Variants in ASCC3 observed in about 807,000 individuals in gnomAD.
ASCC3 encodes activating signal cointegrator 1 complex subunit 3.
Under a neutral mutation model 256.3 loss-of-function variants are expected in ASCC3, and 158 were observed. That is an observed-to-expected ratio of 0.62 (90% CI 0.54 to 0.70). The LOEUF is 0.70. Among genes scored for constraint, ASCC3 ranks in the 30% least tolerant of loss-of-function variants. The pLI is 0.00. For synonymous variants in ASCC3, 948 were observed against 883.4 expected, an observed-to-expected ratio of 1.07 and a Z score of -1.30; for missense variants, 2,259 against 2,626.0, an observed-to-expected ratio of 0.86 and a Z score of 3.05.
chr6:100,556,441 G>C (rs1184564089), intron 36 of ASCC3, among the ~76,000 whole-genome samples: 4 of 152,142 alleles, frequency 2.6e-5, no homozygotes, highest in African/African-American at 9.7e-5. Flanking sequence ...ATGGATGAAT[G>C]TCAGATACAT....
intron 8 of ASCC3, among the ~76,000 whole-genome samples, chr6:100,783,129 T>G (rs1293804167): frequency 6.6e-6 from 1 of 152,158 alleles, no homozygotes; most frequent in East Asian, 1.9e-4. Flanking sequence ...TCATATTAAG[T>G]TCTTCTCATT....
chr6:100,608,289 T>TTA (rs201588169), intron 30 of ASCC3, among the ~76,000 whole-genome samples: 1 of 22,400 alleles, frequency 4.5e-5, no homozygotes, highest in East Asian at 2.8e-3. Flanking sequence ...TATATATACT[T>TTA]TATATATACC....
intron 16 of ASCC3, among the ~76,000 whole-genome samples, chr6:100,656,880 T>C (rs1775938904): frequency 6.6e-6 from 1 of 150,828 alleles, no homozygotes. Flanking sequence ...TTTAACCTCC[T>C]AAAACTTTAA....
At chr6:100,612,898 A>G (rs568580772) in intron 30 of ASCC3, among the ~76,000 whole-genome samples, 11 of 151,700 alleles carry the variant, frequency 7.3e-5, no homozygotes, top group Admixed American at 2.0e-4. Flanking sequence ...AAATATATTT[A>G]TATGTGATTA....
At position 100,509,374 on chromosome 6, in the gene ASCC3, G is replaced by A. The variant is rs1773642080; in HGVS notation, c.*12C>T. ...CTTAGCCACTCCTTTCAAATGGATT[G>A]TTCAGGTCAAGTTACTTTAATGCCA... On this transcript the variant is annotated 3_prime_UTR_variant, in exon 42 of 42. Transcript: ENST00000369162. 1.9e-6 allele frequency: 3 copies of A among 1,613,988 alleles called. No individual in the cohort carries two copies. Among genetic ancestry groups the A allele is most frequent in the Non-Finnish European group, 2.5e-6 (3 of 1,179,902 alleles).
At chr6:100,560,748 A>AACACACACACACACACACACAC (rs747539213) in intron 36 of ASCC3, among the ~76,000 whole-genome samples, 1 of 133,878 alleles carries the variant, frequency 7.5e-6, no homozygotes, top group African/African-American at 2.8e-5. Context: ...ATCTTAGAGG[A>AACACACACACACACACACACAC]ACACACACAC....
At chr6:100,728,409 C>T (rs12213201) in intron 10 of ASCC3, among the ~76,000 whole-genome samples, 1 of 151,742 alleles carries the variant, frequency 6.6e-6, no homozygotes, top group Non-Finnish European at 1.5e-5. Context: ...TAAACTTATA[C>T]AATCACTTTG....
rs146811877 is a variant in ASCC3 at position 100,664,754 on chromosome 6, G to C, written c.2287-2218C>G. Among the ~76,000 whole-genome samples the C allele has an allele frequency of 6.4e-3, 979 of 152,280 alleles. 6 individuals carry two copies. Among genetic ancestry groups the C allele is most frequent in the African/African-American group, 0.023 (947 of 41,568 alleles). On this transcript the variant is annotated intron_variant, in intron 14 of 41. Coordinates refer to ENST00000369162, the MANE Select transcript of ASCC3 (RefSeq NM_006828.4). ...GAATATGGAAAAAAGTCCAATTGTG[G>C]TGTATTTGCTAAGAGCTCCTTCAGA... is the stretch of plus-strand genomic sequence containing the variant.
rs558948586 is a variant in ASCC3 at position 100,813,461 on chromosome 6, A to C, written c.802-7581T>G. 4.6e-5 allele frequency among the ~76,000 whole-genome samples: 7 copies of C among 150,874 alleles called. No individual in the cohort carries two copies. In the East Asian group the frequency reaches 6.4e-4, roughly 14 times the overall value. ...AACAAGAGTGAAACTCCATCTCAAA[A>C]AACAACAACAACAAAAAAAAAACAC... is the stretch of plus-strand genomic sequence containing the variant. On this transcript the variant is annotated intron_variant, in intron 4 of 41. Transcript: ENST00000369162.
chr6:100,737,233 T>G (rs1173589554), intron 10 of ASCC3, among the ~76,000 whole-genome samples: 1 of 151,882 alleles, frequency 6.6e-6, no homozygotes, highest in Non-Finnish European at 1.5e-5. Context: ...CTCAAAGTTT[T>G]TTTTTTTTTA....
Position 100,848,664 on chromosome 6 carries a change from T to C in ASCC3, c.285A>G (p.Ala95=), listed in dbSNP as rs940829419. 5 of 1,613,784 alleles carry C rather than the reference T, an allele frequency of 3.1e-6. No individual in the cohort carries two copies. The highest frequency in any genetic ancestry group is 1.3e-5 in the African/African-American group (1 of 75,032). ...TCAAGTGAAATGTCATGAAGAGAAATGCAGCCCCACTTTCAATTGCTTCTC... is the reference window on the plus strand; with the variant it reads ...TCAAGTGAAATGTCATGAAGAGAAACGCAGCCCCACTTTCAATTGCTTCTC... ...NGREAIESGA[A]FLFMTFHLKD... The change falls in exon 4 of 42, where the codon GCA becomes GCG. Residue 95 remains alanine, a synonymous_variant. Coordinates refer to ENST00000369162, the MANE Select transcript of ASCC3 (RefSeq NM_006828.4).
chr6:100,608,110 ATATATATC>A (rs1200426901), intron 30 of ASCC3, among the ~76,000 whole-genome samples: 16 of 122,046 alleles, frequency 1.3e-4, no homozygotes, highest in Non-Finnish European at 2.4e-4. Context: ...ATATATATGT[ATATATATC>A]TATATATACA....
chr6:100,715,225 A>C (rs1392989224), intron 13 of ASCC3: 3 of 378,820 alleles, frequency 7.9e-6, no homozygotes, highest in Non-Finnish European at 1.4e-5. Flanking sequence ...AATATTTAAA[A>C]TTAAAAATGG....
chr6:100,634,027 T>A (rs1312539515), intron 25 of ASCC3, among the ~76,000 whole-genome samples: 3 of 152,226 alleles, frequency 2.0e-5, no homozygotes, highest in Admixed American at 6.5e-5. Flanking sequence ...ATGTGTTTTT[T>A]AAATTTTAGT....
At chr6:100,572,609 G>A (rs116503913) in intron 36 of ASCC3, among the ~76,000 whole-genome samples, 2,457 of 152,190 alleles carry the variant, frequency 0.016, 67 homozygotes, top group African/African-American at 0.056. Context: ...TATAAAAGTA[G>A]TATTATATAT....
chr6:100,797,464 A>C (rs1769680106), intron 8 of ASCC3, among the ~76,000 whole-genome samples: 1 of 144,280 alleles, frequency 6.9e-6, no homozygotes, highest in Non-Finnish European at 1.5e-5. Context: ...CGTTCTCAAA[A>C]AAAAAAAAAA....
intron 4 of ASCC3, among the ~76,000 whole-genome samples, chr6:100,813,599 C>G (rs1329210116): frequency 6.6e-6 from 1 of 152,068 alleles, no homozygotes; most frequent in African/African-American, 2.4e-5. Context: ...TCACAAATTA[C>G]TTTACCCATT....
Position 100,654,942 on chromosome 6 carries a change from A to C in ASCC3, c.2823+757T>G, listed in dbSNP as rs111722922. 3.3e-5 allele frequency among the ~76,000 whole-genome samples: 5 copies of C among 152,172 alleles called. 1 individual carries two copies. The highest frequency in any genetic ancestry group is 1.2e-4 in the African/African-American group (5 of 41,586). On this transcript the variant is annotated intron_variant, in intron 17 of 41. Transcript: ENST00000369162. ...AGGATTCATATAAAAACTAAGTCAT[A>C]GTAAATTAGGGGAAACTATAATTTT...
At chr6:100,658,797 A>C (rs899162455) in intron 16 of ASCC3, among the ~76,000 whole-genome samples, 3 of 151,692 alleles carry the variant, frequency 2.0e-5, no homozygotes, top group Non-Finnish European at 4.4e-5. Flanking sequence ...TTTACCTGAC[A>C]TTCTACAGAG....
Sources: allele counts gnomAD v4.1 joint callset (sites outside exome capture counted in the v4.1 genomes callset), GRCh38; gene constraint gnomAD v4.1.1; transcripts MANE v1.5; gene names NCBI Gene and HGNC (gene_info 2026-07-23, HGNC 2026-07-21).